Variants in CDH17 observed in about 807,000 individuals in gnomAD.
CDH17 encodes cadherin 17.
Under a neutral mutation model 86.3 loss-of-function variants are expected in CDH17, and 67 were observed. The ratio of observed to expected loss-of-function variants is 0.78; its 90% CI spans 0.64 to 0.95. The LOEUF is 0.95. CDH17 is among the 40% of genes least tolerant of loss of function. The pLI is 0.00. For missense variants in CDH17, 993 were observed against 1,017.6 expected (o/e 0.98, Z 0.33); for synonymous variants, 367 against 366.4 (o/e 1.00, Z -0.02).
chr8:94,147,112 A>C (rs554218392), intron 14 of CDH17, among the ~76,000 whole-genome samples: 99 of 151,490 alleles, frequency 6.5e-4, no homozygotes, highest in African/African-American at 2.3e-3. Flanking sequence ...AACTTCTAGA[A>C]TGTGAGAAAC....
chr8:94,161,725 A>G (rs1226959090), intron 11 of CDH17, among the ~76,000 whole-genome samples: 9 of 152,210 alleles, frequency 5.9e-5, no homozygotes, highest in African/African-American at 1.9e-4. Context: ...AATGCTTGAG[A>G]CCTAGCAGTA....
At chr8:94,145,874 A>T in intron 15 of CDH17, 54 bp downstream of exon 15, 1 of 1,564,854 alleles carries the variant, frequency 6.4e-7, no homozygotes, top group Non-Finnish European at 8.7e-7. Context: ...AGTTAAATAA[A>T]ACCTACTTTC....
chr8:94,216,188 G>A (rs1814191241), intron 1 of CDH17, among the ~76,000 whole-genome samples: 1 of 152,156 alleles, frequency 6.6e-6, no homozygotes, highest in Non-Finnish European at 1.5e-5. Context: ...ATTGGGCCTG[G>A]TCTCAGGAAC....
At chr8:94,161,854 T>A (rs1243394643) in intron 11 of CDH17, among the ~76,000 whole-genome samples, 2 of 152,210 alleles carry the variant, frequency 1.3e-5, no homozygotes, top group Non-Finnish European at 2.9e-5. Context: ...TTGGAATAAA[T>A]GAGCTATTGG....
intron 2 of CDH17, among the ~76,000 whole-genome samples, chr8:94,191,309 T>C (rs1387723429): frequency 6.6e-6 from 1 of 152,152 alleles, no homozygotes; most frequent in Non-Finnish European, 1.5e-5. Flanking sequence ...AGCCCAAGTC[T>C]CTGCAACATC....
At chr8:94,166,414 C>T (rs1813158703) in intron 9 of CDH17, among the ~76,000 whole-genome samples, 1 of 152,216 alleles carries the variant, frequency 6.6e-6, no homozygotes, top group African/African-American at 2.4e-5. Flanking sequence ...GGACATTTTA[C>T]TTTCATTACC....
chr8:94,152,186 T>C, intron 12 of CDH17, 74 bp from the exon 13 acceptor site: 1 of 1,486,086 alleles, frequency 6.7e-7, no homozygotes, highest in South Asian at 1.2e-5. Context: ...CTATCCTTCT[T>C]AAACTCTCAT....
chr8:94,131,026 C>CT, intron 15 of CDH17, 34 bp from the exon 16 acceptor site: 1 of 1,073,244 alleles, frequency 9.3e-7, no homozygotes, highest in Non-Finnish European at 1.4e-6. Context: ...GAAAATACAA[C>CT]TTCAGACCCT....
Position 94,128,188 on chromosome 8 carries a change from G to T in CDH17, c.*52C>A. ...AGATGAAAAGTAATAGGATGAGATG[G>T]TTGTTGCTGAAATAGCACTTGCTAT... On this transcript the variant is annotated 3_prime_UTR_variant, in exon 18 of 18. Transcript: ENST00000027335. The T allele has an allele frequency of 9.0e-7, 1 of 1,108,690 alleles. No individual in the cohort carries two copies. The highest frequency in any genetic ancestry group is 1.5e-5 in the African/African-American group (1 of 65,140). 68.7% of individuals were successfully genotyped at this position (1,108,690 alleles called of 1,614,324 possible). A position where few individuals can be genotyped will look rare whatever the true frequency, so the allele number is the denominator to read the frequency against.
intron 3 of CDH17, among the ~76,000 whole-genome samples, chr8:94,179,046 TAAAAAA>T (rs3033905): frequency 1.4e-5 from 2 of 139,032 alleles, no homozygotes; most frequent in Non-Finnish European, 3.1e-5. Flanking sequence ...GAATGTTTAT[TAAAAAA>T]AAAAAAAAAA....
rs1473657401 is a variant in CDH17, at chr8:94,170,954, G to T, written c.815C>A (p.Ser272Tyr). ...TGGCAGCTTCTCTTTGTCAACTAAG[G>T]AATATTGTGCACCGGGATCATTCCA... Reference protein sequence around the residue: ...VRWNDPGAQYSLVDKEKLPRF... With the variant: ...VRWNDPGAQYYLVDKEKLPRF... Residue 272 changes from serine (S) to tyrosine (Y), a missense_variant, in exon 8 of 18, where the codon TCC becomes TAC. Physicochemically the swap from Ser to Tyr is moderately radical, Grantham distance 144. Transcript: ENST00000027335. The T allele has an allele frequency of 6.2e-7, 1 of 1,613,664 alleles. No individual in the cohort carries two copies. The highest frequency in any genetic ancestry group is 2.2e-5 in the East Asian group (1 of 44,826).
intron 7 of CDH17, among the ~76,000 whole-genome samples, chr8:94,172,924 TA>T (rs1813297026): frequency 6.6e-6 from 1 of 152,174 alleles, no homozygotes; most frequent in Admixed American, 6.5e-5. Context: ...ATGATCCTTT[TA>T]CCCCTAGCCA....
chr8:94,133,017 T>C, intron 15 of CDH17, among the ~76,000 whole-genome samples: 1 of 152,284 alleles, frequency 6.6e-6, no homozygotes, highest in East Asian at 1.9e-4. Context: ...TTCTGTTCCA[T>C]TGGTCTATAT....
chr8:94,139,146 G>C lies in CDH17; in HGVS notation c.2167+6782C>G, dbSNP rs1425325285. Among the ~76,000 whole-genome samples, 3 of 152,008 alleles carry C rather than the reference G, an allele frequency of 2.0e-5. No homozygotes were observed. The East Asian group carries it at 5.8e-4, about 29-fold the overall frequency. On this transcript the variant is annotated intron_variant, in intron 15 of 17. Coordinates refer to ENST00000027335, the MANE Select transcript of CDH17 (RefSeq NM_004063.4). ...AGACTGAGAAGTGTAGATAGATACA[G>C]AACATTTTAAAAACCCAAGTTAATT...
At chr8:94,149,051 T>TGAG (rs1563569797) in intron 13 of CDH17, among the ~76,000 whole-genome samples, 177 bp from the exon 14 acceptor site, 1 of 151,746 alleles carries the variant, frequency 6.6e-6, no homozygotes, top group African/African-American at 2.4e-5. Flanking sequence ...TTAAAACATA[T>TGAG]TTAAAGGATC....
intron 15 of CDH17, among the ~76,000 whole-genome samples, chr8:94,134,020 G>A (rs1378329841): frequency 6.6e-6 from 1 of 152,122 alleles, no homozygotes; most frequent in Non-Finnish European, 1.5e-5. Context: ...TGATTGTGTT[G>A]GATAAGCTTT....
intron 4 of CDH17, among the ~76,000 whole-genome samples, 177 bp downstream of exon 4, chr8:94,177,410 G>A (rs1483899177): frequency 6.6e-6 from 1 of 152,178 alleles, no homozygotes; most frequent in Non-Finnish European, 1.5e-5. Flanking sequence ...GGATATGTTT[G>A]CCACACCCCT....
chr8:94,166,854 C>T (rs946888262), intron 9 of CDH17, among the ~76,000 whole-genome samples: 5 of 152,184 alleles, frequency 3.3e-5, no homozygotes, highest in Admixed American at 6.5e-5. Context: ...CAACAGAAGC[C>T]GGAAGAGGCA....
intron 3 of CDH17, among the ~76,000 whole-genome samples, chr8:94,183,622 C>T (rs1813523964): frequency 6.6e-6 from 1 of 151,934 alleles, no homozygotes; most frequent in Non-Finnish European, 1.5e-5. Context: ...GAGAAGAAAG[C>T]ATAGACATAA....
Sources: gnomAD v4.1 joint callset for allele counts (sites outside exome capture counted in the v4.1 genomes callset) on GRCh38, gnomAD v4.1.1 for gene constraint, MANE v1.5 for transcripts, NCBI Gene and HGNC (gene_info 2026-07-23, HGNC 2026-07-21) for gene names.